EDA: variants seen among roughly 807,000 people sequenced by gnomAD.
EDA encodes ectodysplasin A.
A neutral mutation model predicts 23.6 loss-of-function variants in EDA; 2 were observed. The ratio of observed to expected loss-of-function variants is 0.08; its 90% CI spans 0.03 to 0.27. EDA has a LOEUF of 0.27. Ranked by LOEUF, EDA falls within the 10% of genes least tolerant of loss-of-function variation. EDA has a pLI of 1.00. For synonymous variants in EDA, 131 were observed against 132.0 expected (o/e 0.99, Z 0.05); for missense variants, 229 against 324.2 (o/e 0.71, Z 2.26).
At chrX:69,865,295 TA>T (rs1209014735) in intron 1 of EDA, among the ~76,000 whole-genome samples, 1 of 110,541 alleles carries the variant, frequency 9.0e-6, no homozygotes, top group Non-Finnish European at 1.9e-5. Flanking sequence ...TTATACTTAA[TA>T]AACTCCCATA....
intron 1 of EDA, among the ~76,000 whole-genome samples, chrX:69,682,520 C>T (rs778788743): frequency 4.5e-5 from 5 of 112,240 alleles, no homozygotes; most frequent in South Asian, 7.4e-4. Flanking sequence ...ATATAATCTC[C>T]TCGTGCGCCG....
intron 1 of EDA, among the ~76,000 whole-genome samples, chrX:69,827,059 C>T (rs1246676861): frequency 3.6e-5 from 4 of 111,845 alleles, no homozygotes; most frequent in East Asian, 2.8e-4. Context: ...GAGTTTCTGC[C>T]GAGAGATCCG....
intron 2 of EDA, among the ~76,000 whole-genome samples, chrX:70,004,769 T>G (rs769765020): frequency 8.9e-6 from 1 of 112,045 alleles, no homozygotes; most frequent in East Asian, 2.8e-4. Flanking sequence ...AGTTCTCTGG[T>G]ATTGTTCTCA....
intron 2 of EDA, among the ~76,000 whole-genome samples, chrX:69,965,798 G>A (rs1463604465): frequency 1.8e-5 from 2 of 112,249 alleles, no homozygotes; most frequent in Non-Finnish European, 3.8e-5. Context: ...TGTAATCCCA[G>A]CACTTTGGGA....
chrX:69,795,871 G>A (rs1279996829), intron 1 of EDA, among the ~76,000 whole-genome samples: 5 of 111,594 alleles, frequency 4.5e-5, no homozygotes, highest in East Asian at 5.7e-4. Flanking sequence ...GCCCAGCTCC[G>A]CCCCCTCCCC....
chrX:69,712,671 T>A (rs77888574), intron 1 of EDA, among the ~76,000 whole-genome samples: 1 of 109,977 alleles, frequency 9.1e-6, no homozygotes, highest in African/African-American at 3.3e-5. Flanking sequence ...CAGGGATCTA[T>A]AACTAGAAAT....
intron 1 of EDA, among the ~76,000 whole-genome samples, chrX:69,698,133 C>T (rs1025687646): frequency 8.9e-6 from 1 of 111,912 alleles, no homozygotes; most frequent in Non-Finnish European, 1.9e-5. Context: ...TGATCCGTTG[C>T]GGAGGCCATT....
intron 1 of EDA, among the ~76,000 whole-genome samples, chrX:69,752,207 G>A (rs886848350): frequency 9.0e-5 from 10 of 111,480 alleles, no homozygotes; most frequent in Non-Finnish European, 1.7e-4. Flanking sequence ...GATATTGGCT[G>A]TGGGTTTTTC....
At chrX:69,711,415 T>C (rs1422927764) in intron 1 of EDA, among the ~76,000 whole-genome samples, 1 of 111,775 alleles carries the variant, frequency 8.9e-6, no homozygotes, top group Admixed American at 9.5e-5. Context: ...TTGAGGATTT[T>C]TGCATCGATG....
At chrX:69,786,373 T>A (rs1196563521) in intron 1 of EDA, among the ~76,000 whole-genome samples, 37 of 105,848 alleles carry the variant, frequency 3.5e-4, no homozygotes, top group African/African-American at 1.1e-3. Context: ...GTTCTTTTAA[T>A]TGTGATGTTA....
intron 1 of EDA, among the ~76,000 whole-genome samples, chrX:69,798,014 G>A (rs904106660): frequency 5.5e-4 from 62 of 111,809 alleles, no homozygotes; most frequent in African/African-American, 1.9e-3. Context: ...AAAGTGAGCA[G>A]GAGTAGCTAT....
chrX:69,869,803 C>T (rs776083933), intron 1 of EDA, among the ~76,000 whole-genome samples: 17 of 112,092 alleles, frequency 1.5e-4, no homozygotes, highest in African/African-American at 3.6e-4. Flanking sequence ...AGTGCTGTCA[C>T]GTGGCCGCTG....
chrX:70,023,754 C>T (rs937184339), intron 3 of EDA, among the ~76,000 whole-genome samples: 2 of 111,400 alleles, frequency 1.8e-5, no homozygotes, highest in Non-Finnish European at 3.8e-5. Context: ...TACCCTATTT[C>T]TTGGACTTAA....
chrX:69,730,899 C>T (rs1432508152), intron 1 of EDA, among the ~76,000 whole-genome samples: 1 of 112,270 alleles, frequency 8.9e-6, no homozygotes, highest in Non-Finnish European at 1.9e-5. Context: ...ATATGTCAGA[C>T]GTTATCAAAT....
chrX:69,656,420 C>T, intron 1 of EDA, among the ~76,000 whole-genome samples: 1 of 111,708 alleles, frequency 9.0e-6, no homozygotes, highest in Non-Finnish European at 1.9e-5. Flanking sequence ...GGTGCTTTTA[C>T]CCATGCAATA....
At chrX:69,668,428 C>T (rs1208639740) in intron 1 of EDA, among the ~76,000 whole-genome samples, 1 of 111,873 alleles carries the variant, frequency 8.9e-6, no homozygotes, top group Non-Finnish European at 1.9e-5. Context: ...AATGTATATT[C>T]AGCTGCTCTT....
intron 1 of EDA, among the ~76,000 whole-genome samples, chrX:69,704,409 G>C (rs1363823532): frequency 8.9e-6 from 1 of 111,779 alleles, no homozygotes; most frequent in Non-Finnish European, 1.9e-5. Context: ...AGAGAGAATA[G>C]ATTGTAAATA....
At chrX:69,881,597 C>T (rs891847772) in intron 1 of EDA, among the ~76,000 whole-genome samples, 1 of 112,014 alleles carries the variant, frequency 8.9e-6, no homozygotes, top group African/African-American at 3.2e-5. Flanking sequence ...TGGCCCCTAT[C>T]CACTCAAATC....
At chrX:69,763,668 G>A (rs945370238) in intron 1 of EDA, among the ~76,000 whole-genome samples, 1 of 111,816 alleles carries the variant, frequency 8.9e-6, no homozygotes, top group African/African-American at 3.2e-5. Flanking sequence ...CCTAGCACTA[G>A]AGATACTTCA....
Sources: allele counts gnomAD v4.1 joint callset (sites outside exome capture counted in the v4.1 genomes callset), GRCh38; gene constraint gnomAD v4.1.1; transcripts MANE v1.5; gene names NCBI Gene and HGNC (gene_info 2026-07-23, HGNC 2026-07-21).